PRKG1: variants seen among roughly 807,000 people sequenced by gnomAD.
The protein encoded by PRKG1 is cGMP-dependent protein kinase 1.
A neutral mutation model predicts 88.1 loss-of-function variants in PRKG1; 35 were observed. That is an observed-to-expected ratio of 0.40 (90% CI 0.30 to 0.53). The LOEUF is 0.53. Among genes scored for constraint, PRKG1 ranks in the 20% least tolerant of loss-of-function variants. The pLI is 0.59. For synonymous variants in PRKG1, 303 were observed against 292.5 expected (o/e 1.04, Z -0.37); for missense variants, 540 against 839.8 (o/e 0.64, Z 4.41).
intron 5 of PRKG1, among the ~76,000 whole-genome samples, chr10:51,974,322 C>T (rs923406715): frequency 6.6e-5 from 10 of 152,118 alleles, no homozygotes; most frequent in Non-Finnish European, 1.3e-4. Context: ...ATTGTAGTAA[C>T]TGACTTGTTT....
At chr10:51,823,822 G>A (rs1839812204) in intron 4 of PRKG1, among the ~76,000 whole-genome samples, 1 of 143,438 alleles carries the variant, frequency 7.0e-6, no homozygotes, top group African/African-American at 2.6e-5. Flanking sequence ...ATTATCTTCA[G>A]ATAAATTGTT....
chr10:51,533,147 T>G (rs1227977896), intron 3 of PRKG1, among the ~76,000 whole-genome samples: 1 of 152,234 alleles, frequency 6.6e-6, no homozygotes, highest in Non-Finnish European at 1.5e-5. Context: ...GGATTTCTAT[T>G]TCTTGCAATG....
At chr10:52,195,749 T>A (rs1839488066) in intron 9 of PRKG1, among the ~76,000 whole-genome samples, 1 of 152,150 alleles carries the variant, frequency 6.6e-6, no homozygotes, top group African/African-American at 2.4e-5. Context: ...ACAATCAGTT[T>A]TTAATTTTAA....
rs144703884 is a variant in PRKG1, at chr10:52,138,690, A to G, written c.1001+4785A>G. Among the ~76,000 whole-genome samples the G allele has an allele frequency of 4.7e-3, 722 of 152,236 alleles. 4 individuals are homozygous for G. Among genetic ancestry groups the G allele is most frequent in the African/African-American group, 0.016 (682 of 41,564 alleles). The stretch of plus-strand genomic sequence containing the variant: ...GGAAGTAGAGACCAAGAACTAGCCC[A>G]GAGTAAATGCAGTGTGATAGAGCAT... On this transcript the variant is annotated intron_variant, in intron 8 of 17. Transcript: ENST00000373980.
At chr10:51,490,679 A>G (rs190451821) in intron 3 of PRKG1, among the ~76,000 whole-genome samples, 169 of 152,262 alleles carry the variant, frequency 1.1e-3, no homozygotes, top group African/African-American at 3.7e-3. Context: ...TCCGTTTTTC[A>G]TAGATCGTTC....
At chr10:52,087,982 A>G (rs2133317037) in intron 7 of PRKG1, among the ~76,000 whole-genome samples, 1 of 152,348 alleles carries the variant, frequency 6.6e-6, no homozygotes, top group East Asian at 1.9e-4. Flanking sequence ...TCCTTCATCA[A>G]GGACTAATGA....
At chr10:52,185,869 A>G (rs975908928) in intron 9 of PRKG1, among the ~76,000 whole-genome samples, 1 of 152,212 alleles carries the variant, frequency 6.6e-6, no homozygotes, top group Non-Finnish European at 1.5e-5. Flanking sequence ...GAGCCAGAGC[A>G]GCCAGGATGC....
chr10:51,060,459 C>T (rs1384107502), intron 1 of PRKG1, among the ~76,000 whole-genome samples: 2 of 151,984 alleles, frequency 1.3e-5, no homozygotes, highest in African/African-American at 4.8e-5. Flanking sequence ...GTTATTTATA[C>T]AAGTTGTGCT....
chr10:51,026,959 G>T (rs188689783), intron 1 of PRKG1, among the ~76,000 whole-genome samples: 15 of 152,314 alleles, frequency 9.8e-5, no homozygotes, highest in Admixed American at 3.3e-4. Flanking sequence ...CACTAAAGCA[G>T]GGCTGGACCT....
At chr10:51,253,110 T>C (rs1214905427) in intron 2 of PRKG1, among the ~76,000 whole-genome samples, 2 of 151,862 alleles carry the variant, frequency 1.3e-5, no homozygotes, top group Admixed American at 6.6e-5. Flanking sequence ...GAGCTACAGT[T>C]GTCAATATTA....
chr10:51,198,485 A>G (rs1388427913), intron 2 of PRKG1, among the ~76,000 whole-genome samples: 1 of 152,184 alleles, frequency 6.6e-6, no homozygotes, highest in Admixed American at 6.5e-5. Context: ...AATTAGTGTA[A>G]CTTAATTTAA....
chr10:52,071,645 T>C (rs1204403686), intron 7 of PRKG1, among the ~76,000 whole-genome samples: 1 of 121,722 alleles, frequency 8.2e-6, no homozygotes, highest in Non-Finnish European at 1.6e-5. Context: ...TTAGTATAGC[T>C]GAGGTGTGCT....
intron 2 of PRKG1, among the ~76,000 whole-genome samples, chr10:51,203,981 T>A (rs1171604939): frequency 1.3e-5 from 2 of 152,210 alleles, no homozygotes; most frequent in Non-Finnish European, 2.9e-5. Context: ...TCATTCTCCT[T>A]TGGCCTTTCT....
chr10:51,896,065 A>G (rs532883565), intron 4 of PRKG1, among the ~76,000 whole-genome samples: 36 of 152,192 alleles, frequency 2.4e-4, no homozygotes, highest in Non-Finnish European at 4.3e-4. Flanking sequence ...CTTGAGGAAG[A>G]GTTAAACAAT....
intron 1 of PRKG1, 66 bp downstream of exon 1, chr10:51,074,967 T>C (rs1843908973): frequency 6.1e-6 from 9 of 1,484,716 alleles, no homozygotes; most frequent in Non-Finnish European, 8.1e-6. Flanking sequence ...GGTCTCTGTA[T>C]TGTCTGTCGG....
chr10:51,962,009 T>C (rs1843459401), intron 5 of PRKG1, among the ~76,000 whole-genome samples: 1 of 151,808 alleles, frequency 6.6e-6, no homozygotes. Context: ...GAAATTGGGG[T>C]TTAAAAGCAA....
At chr10:51,163,526 A>G (rs1846424476) in intron 2 of PRKG1, among the ~76,000 whole-genome samples, 1 of 152,146 alleles carries the variant, frequency 6.6e-6, no homozygotes, top group African/African-American at 2.4e-5. Context: ...AGGGAGTGCC[A>G]GACAATGGGC....
At chr10:51,753,486 T>G (rs1837779980) in intron 3 of PRKG1, among the ~76,000 whole-genome samples, 1 of 152,132 alleles carries the variant, frequency 6.6e-6, no homozygotes, top group African/African-American at 2.4e-5. Context: ...CAGGAGCAAC[T>G]AAGATGATTT....
chr10:51,254,584 C>A (rs144469810), intron 2 of PRKG1, among the ~76,000 whole-genome samples: 40 of 152,108 alleles, frequency 2.6e-4, no homozygotes, highest in Middle Eastern at 3.4e-3. Context: ...CTATGGAATG[C>A]AAAATTAATT....
Sources: gnomAD v4.1 joint callset for allele counts (sites outside exome capture counted in the v4.1 genomes callset) on GRCh38, gnomAD v4.1.1 for gene constraint, MANE v1.5 for transcripts, NCBI Gene and HGNC (gene_info 2026-07-23, HGNC 2026-07-21) for gene names.